The following PACRG variants were observed in gnomAD, a reference collection of about 807,000 sequenced individuals.
PACRG encodes the protein parkin coregulated.
A neutral mutation model predicts 29.7 loss-of-function variants in PACRG; 29 were observed. The ratio of observed to expected loss-of-function variants is 0.98; its 90% CI spans 0.73 to 1.33. PACRG has a LOEUF of 1.33. PACRG is among the 40% of genes most tolerant of loss of function. The probability of loss-of-function intolerance (pLI) is 0.00; values close to 1 mark genes in which losing one functional copy is unlikely to be tolerated. For synonymous variants in PACRG, 116 were observed against 118.7 expected (o/e 0.98, Z 0.15); for missense variants, 279 against 316.2 (o/e 0.88, Z 0.89).
intron 4 of PACRG, among the ~76,000 whole-genome samples, chr6:163,093,629 A>G (rs1814314242): frequency 6.6e-6 from 1 of 152,214 alleles, no homozygotes; most frequent in Non-Finnish European, 1.5e-5. Context: ...GTTCATTTCT[A>G]ACAGTACCAA....
chr6:162,797,978 C>A (rs1297115981), intron 1 of PACRG, among the ~76,000 whole-genome samples: 1 of 152,168 alleles, frequency 6.6e-6, no homozygotes, highest in Non-Finnish European at 1.5e-5. Context: ...AAATTCCTGG[C>A]AAGCTATTTG....
At chr6:163,261,605 G>A (rs1305643319) in intron 4 of PACRG, among the ~76,000 whole-genome samples, 3 of 152,302 alleles carry the variant, frequency 2.0e-5, no homozygotes, top group Non-Finnish European at 4.4e-5. Flanking sequence ...CCAGGCACTC[G>A]CAGGACACTC....
intron 4 of PACRG, among the ~76,000 whole-genome samples, chr6:163,106,776 G>T (rs1815406037): frequency 6.6e-6 from 1 of 152,196 alleles, no homozygotes; most frequent in Non-Finnish European, 1.5e-5. Flanking sequence ...ACAATAGTTT[G>T]TCCTTTGTGT....
At position 163,251,216 on chromosome 6, in the gene PACRG, C is replaced by T. The variant is rs565992046; in HGVS notation, c.614-63611C>T. On this transcript the variant is annotated intron_variant, in intron 4 of 4. Coordinates refer to ENST00000366888, the MANE Select transcript of PACRG (RefSeq NM_001080379.2). ...TCACAAATCACCACTAAAGAACGTA[C>T]TCATGTAACCAAATACCACCTGTAC... is the stretch of plus-strand genomic sequence containing the variant. Among the ~76,000 whole-genome samples, 14 of 151,824 alleles carry T rather than the reference C, an allele frequency of 9.2e-5. No homozygotes were observed. In the South Asian group the frequency reaches 2.1e-3, roughly 23 times the overall value.
At chr6:162,967,452 T>A (rs1208786548) in intron 2 of PACRG, among the ~76,000 whole-genome samples, 1 of 152,150 alleles carries the variant, frequency 6.6e-6, no homozygotes, top group Non-Finnish European at 1.5e-5. Context: ...TCTTCATATC[T>A]TAGTTATATT....
At chr6:162,900,212 A>C (rs933845855) in intron 2 of PACRG, among the ~76,000 whole-genome samples, 6 of 151,998 alleles carry the variant, frequency 3.9e-5, no homozygotes, top group Admixed American at 3.3e-4. Flanking sequence ...ATGCACTCAC[A>C]ATGCTCACGG....
At chr6:162,996,550 T>G (rs944938628) in intron 2 of PACRG, among the ~76,000 whole-genome samples, 3 of 152,148 alleles carry the variant, frequency 2.0e-5, no homozygotes, top group Non-Finnish European at 4.4e-5. Context: ...ACTAGGGGAA[T>G]GGCTAATTAA....
chr6:163,166,982 A>T (rs1778840682), intron 4 of PACRG, among the ~76,000 whole-genome samples: 1 of 152,216 alleles, frequency 6.6e-6, no homozygotes, highest in South Asian at 2.1e-4. Context: ...TTTCTATCCA[A>T]ATAAAGTTCA....
intron 3 of PACRG, among the ~76,000 whole-genome samples, chr6:163,064,500 C>A (rs1811366443): frequency 6.6e-6 from 1 of 152,168 alleles, no homozygotes; most frequent in African/African-American, 2.4e-5. Flanking sequence ...TGGCTTTCAG[C>A]GCTTCTGCTA....
At chr6:162,948,256 A>G (rs1799391771) in intron 2 of PACRG, among the ~76,000 whole-genome samples, 1 of 152,110 alleles carries the variant, frequency 6.6e-6, no homozygotes, top group African/African-American at 2.4e-5. Context: ...TTACAACCAG[A>G]TGATTTTTGA....
chr6:163,278,145 T>C (rs998177625), intron 4 of PACRG, among the ~76,000 whole-genome samples: 2 of 152,186 alleles, frequency 1.3e-5, no homozygotes, highest in African/African-American at 4.8e-5. Flanking sequence ...CATTTGAGAA[T>C]TGTCTATTCA....
intron 4 of PACRG, among the ~76,000 whole-genome samples, chr6:163,271,773 T>C (rs929530286): frequency 1.3e-5 from 2 of 152,242 alleles, no homozygotes; most frequent in African/African-American, 4.8e-5. Context: ...TATTTTCACA[T>C]ATGAAATTTG....
intron 3 of PACRG, among the ~76,000 whole-genome samples, chr6:163,077,855 G>A (rs1450738729): frequency 6.6e-6 from 1 of 152,136 alleles, no homozygotes; most frequent in Non-Finnish European, 1.5e-5. Flanking sequence ...TCAACATCAG[G>A]CCTCGCCCTG....
chr6:162,999,585 G>A (rs1804397965), intron 2 of PACRG, among the ~76,000 whole-genome samples: 1 of 152,148 alleles, frequency 6.6e-6, no homozygotes, highest in African/African-American at 2.4e-5. Context: ...GACTGGCTTG[G>A]CCTTCTATGT....
chr6:162,919,158 G>T (rs1300909981), intron 2 of PACRG, among the ~76,000 whole-genome samples: 2 of 152,190 alleles, frequency 1.3e-5, no homozygotes, highest in Non-Finnish European at 2.9e-5. Context: ...AGTTTACGAG[G>T]CATATTTTAG....
At chr6:163,027,629 C>G (rs921451222) in intron 2 of PACRG, among the ~76,000 whole-genome samples, 1 of 152,138 alleles carries the variant, frequency 6.6e-6, no homozygotes, top group East Asian at 1.9e-4. Flanking sequence ...ATATAATAAC[C>G]CAACCCCACA....
intron 2 of PACRG, among the ~76,000 whole-genome samples, chr6:163,057,053 A>G (rs1009277670): frequency 6.6e-6 from 1 of 152,198 alleles, no homozygotes. Context: ...GATATATAAC[A>G]TTAATAATTT....
At chr6:162,791,078 A>G (rs1245045111) in intron 1 of PACRG, among the ~76,000 whole-genome samples, 3 of 152,234 alleles carry the variant, frequency 2.0e-5, no homozygotes, top group Non-Finnish European at 2.9e-5. Context: ...GTAGTTAGGT[A>G]GAATTAGGAT....
At chr6:162,730,532 TTC>T (rs1265977647) in intron 1 of PACRG, among the ~76,000 whole-genome samples, 3 of 152,166 alleles carry the variant, frequency 2.0e-5, no homozygotes, top group Non-Finnish European at 1.5e-5. Context: ...CTCCTGATAT[TTC>T]TCTGAGTGCG....
Sources: allele counts gnomAD v4.1 joint callset (sites outside exome capture counted in the v4.1 genomes callset), GRCh38; gene constraint gnomAD v4.1.1; transcripts MANE v1.5; gene names NCBI Gene and HGNC (gene_info 2026-07-23, HGNC 2026-07-21).